Variants in USP34 observed in about 807,000 individuals in gnomAD.
USP34 encodes the protein ubiquitin carboxyl-terminal hydrolase 34.
Under a neutral mutation model 460.3 loss-of-function variants are expected in USP34, and 70 were observed. The observed-to-expected ratio is 0.15, with a 90% confidence interval of 0.13 to 0.19. The LOEUF (loss-of-function observed/expected upper bound fraction) is 0.19. USP34 is among the 10% of genes least tolerant of loss of function. The probability of loss-of-function intolerance (pLI) is 1.00; values close to 1 mark genes in which losing one functional copy is unlikely to be tolerated. For synonymous variants in USP34, 1,647 were observed against 1,405.3 expected (o/e 1.17, Z -3.85); for missense variants, 3,985 against 4,236.2 (o/e 0.94, Z 1.65).
chr2:61,365,893 A>G (rs1380776354), intron 10 of USP34, among the ~76,000 whole-genome samples: 7 of 152,294 alleles, frequency 4.6e-5, no homozygotes, highest in Non-Finnish European at 1.0e-4. Context: ...TAAAGTTCCC[A>G]TCAGACACAA....
intron 27 of USP34, among the ~76,000 whole-genome samples, chr2:61,303,526 AAGTAAATGCTTATGAAG>A (rs1394465047): frequency 1.3e-5 from 2 of 152,204 alleles, no homozygotes; most frequent in Non-Finnish European, 2.9e-5. Flanking sequence ...ACCAGAAGAA[AAGTAAATGCTTATGAAG>A]CAGCGTATTC....
chr2:61,380,223 C>T lies in USP34; in HGVS notation c.960G>A (p.Lys320=). The change falls in exon 7 of 80, where the codon AAG becomes AAA. Residue 320 remains lysine, a synonymous_variant. Transcript: ENST00000398571. ...FDKESLDLAF[K]YFMSPTLTMR... ...TAGTCAAAGTAGGTGACATAAAGTACTTAAATGCAAGATCTAGGCTTTCTT... is the reference window on the plus strand; with the variant it reads ...TAGTCAAAGTAGGTGACATAAAGTATTTAAATGCAAGATCTAGGCTTTCTT... The T allele has an allele frequency of 6.2e-7, 1 of 1,614,126 alleles. No individual in the cohort carries two copies. Among genetic ancestry groups the T allele is most frequent in the Non-Finnish European group, 8.5e-7 (1 of 1,179,990 alleles).
intron 41 of USP34, among the ~76,000 whole-genome samples, chr2:61,271,003 G>A (rs1294827347): frequency 6.6e-6 from 1 of 151,912 alleles, no homozygotes; most frequent in Admixed American, 6.6e-5. Flanking sequence ...GCTGTATCTG[G>A]CCAGGCGCGG....
At chr2:61,459,206 G>T (rs1319235070) in intron 1 of USP34, among the ~76,000 whole-genome samples, 1 of 152,068 alleles carries the variant, frequency 6.6e-6, no homozygotes, top group East Asian at 1.9e-4. Context: ...AATAAAAAAA[G>T]ATAGCTTGGT....
Position 61,206,116 on chromosome 2 carries a change from G to C in USP34, c.9055C>G (p.Gln3019Glu). 2 of 1,613,284 alleles carry C rather than the reference G, an allele frequency of 1.2e-6. No individual in the cohort carries two copies. Among genetic ancestry groups the C allele is most frequent in the Non-Finnish European group, 1.7e-6 (2 of 1,179,474 alleles). ...CGCTCCTGCCACTGGATTAATGCTT[G>C]TTTCACATCTGCAAATATAAAAGCA... The part of the protein sequence containing the change: ...RPYLQRKDVK[Q>E]ALIQWQERIE... Residue 3019 changes from glutamine to glutamate, a missense_variant, in exon 72 of 80, where the codon CAA (glutamine) becomes GAA (glutamate). Coordinates refer to ENST00000398571, the MANE Select transcript of USP34 (RefSeq NM_014709.4).
chr2:61,292,787 C>A (rs4672431), intron 33 of USP34, among the ~76,000 whole-genome samples: 50,900 of 151,932 alleles, frequency 0.34, 8,621 homozygotes, highest in Non-Finnish European at 0.37. Context: ...CTGGCCTGGG[C>A]AGTTTTGTAT....
chr2:61,404,949 CA>C lies in USP34; in HGVS notation c.552+758del, dbSNP rs536157789. Among the ~76,000 whole-genome samples, 44 of 152,060 alleles carry C rather than the reference CA, an allele frequency of 2.9e-4. No individual in the cohort carries two copies. In the South Asian group the frequency reaches 9.1e-3, roughly 32 times the overall value. ...ACAAAAGAAAATACTATTACTTAGC[CA>C]GGGGTGGTGGCTCACGTCTGTAATC... is the stretch of plus-strand genomic sequence containing the variant. On this transcript the variant is annotated intron_variant, in intron 3 of 79. Coordinates refer to ENST00000398571, the MANE Select transcript of USP34 (RefSeq NM_014709.4).
rs752953177 is a variant in USP34 at position 61,333,975 on chromosome 2, A to G, written c.2745-4T>C. The G allele has an allele frequency of 6.5e-7, 1 of 1,542,000 alleles. No homozygotes were observed. Among genetic ancestry groups the G allele is most frequent in the East Asian group, 2.3e-5 (1 of 43,410 alleles). On this transcript the variant is annotated splice_polypyrimidine_tract_variant and splice_region_variant and intron_variant, in intron 18 of 79. Coordinates refer to ENST00000398571, the MANE Select transcript of USP34 (RefSeq NM_014709.4). ...ACGAAGTGAAATTACTACTGATCTG[A>G]AACAGCAGAAACATTCACAAAATAA...
At chr2:61,190,232 G>C (rs1686591800) in intron 78 of USP34, 39 bp downstream of exon 78, 1 of 1,570,668 alleles carries the variant, frequency 6.4e-7, no homozygotes, top group African/African-American at 1.4e-5. Flanking sequence ...CTGAAGGACA[G>C]TTTAAAAGTG....
chr2:61,345,613 A>T (rs1198473515), intron 15 of USP34, among the ~76,000 whole-genome samples: 1 of 152,190 alleles, frequency 6.6e-6, no homozygotes, highest in Non-Finnish European at 1.5e-5. Context: ...CCTCACAATA[A>T]AACCATGAGA....
At chr2:61,273,085 A>T (rs1689263887) in intron 41 of USP34, among the ~76,000 whole-genome samples, 1 of 152,214 alleles carries the variant, frequency 6.6e-6, no homozygotes, top group South Asian at 2.1e-4. Context: ...CAAGTTAAAA[A>T]ACATAAGCAA....
At chr2:61,319,061 T>G in intron 22 of USP34, 112 bp downstream of exon 22, 1 of 1,045,882 alleles carries the variant, frequency 9.6e-7, no homozygotes, top group Non-Finnish European at 1.3e-6. Flanking sequence ...TTCATTACAT[T>G]TGGCTACTTA....
At chr2:61,283,556 A>C (rs1689597880) in intron 35 of USP34, 107 bp from the exon 36 acceptor site, 1 of 1,220,046 alleles carries the variant, frequency 8.2e-7, no homozygotes, top group Non-Finnish European at 1.1e-6. Flanking sequence ...CCCCCAAAAA[A>C]GGAAAGCAGT....
chr2:61,280,374 G>A, intron 38 of USP34, 26 bp from the exon 39 acceptor site: 1 of 1,165,082 alleles, frequency 8.6e-7, no homozygotes, highest in South Asian at 1.9e-5. Context: ...TATACTTTGT[G>A]AAAACATTTT....
intron 20 of USP34, among the ~76,000 whole-genome samples, chr2:61,330,824 C>T (rs563129175): frequency 3.9e-5 from 6 of 152,178 alleles, no homozygotes; most frequent in Admixed American, 3.3e-4. Flanking sequence ...GATATACCAC[C>T]AGTTTTAAAA....
chr2:61,446,790 C>A (rs1306832121), intron 1 of USP34, among the ~76,000 whole-genome samples: 3 of 93,300 alleles, frequency 3.2e-5, no homozygotes, highest in African/African-American at 1.3e-4. Flanking sequence ...AGCAAGACTC[C>A]ACATCAAAAA....
At chr2:61,445,484 G>A (rs1420717768) in intron 1 of USP34, among the ~76,000 whole-genome samples, 17 of 148,844 alleles carry the variant, frequency 1.1e-4, no homozygotes, top group African/African-American at 3.2e-4. Flanking sequence ...GCAGTGAGCC[G>A]AGATTGCGCC....
At chr2:61,391,756 T>C (rs1264165388) in intron 5 of USP34, among the ~76,000 whole-genome samples, 1 of 152,156 alleles carries the variant, frequency 6.6e-6, no homozygotes, top group Non-Finnish European at 1.5e-5. Context: ...ACAGCTTCTG[T>C]AGCAAGCTTG....
At chr2:61,461,274 T>A (rs768476167) in intron 1 of USP34, among the ~76,000 whole-genome samples, 3 of 151,534 alleles carry the variant, frequency 2.0e-5, no homozygotes, top group Non-Finnish European at 4.4e-5. Flanking sequence ...GCCCCTGTAA[T>A]CCCAGCTACT....
Sources: gnomAD v4.1 joint callset for allele counts (sites outside exome capture counted in the v4.1 genomes callset) on GRCh38, gnomAD v4.1.1 for gene constraint, MANE v1.5 for transcripts, NCBI Gene and HGNC (gene_info 2026-07-23, HGNC 2026-07-21) for gene names.